ATG10: variants seen among roughly 807,000 people sequenced by gnomAD.
ATG10 encodes the protein ubiquitin-like-conjugating enzyme ATG10.
In ATG10, 30 loss-of-function variants were observed where a neutral mutation model predicts 32.1. That is an observed-to-expected ratio of 0.94 (90% CI 0.70 to 1.27). The LOEUF is 1.27. ATG10 is among the 50% of genes most tolerant of loss of function. The pLI is 0.00. For synonymous variants in ATG10, 87 were observed against 91.5 expected, an observed-to-expected ratio of 0.95 and a Z score of 0.28; for missense variants, 233 against 262.3, an observed-to-expected ratio of 0.89 and a Z score of 0.77.
chr5:82,139,751 G>A (rs1198761375), intron 3 of ATG10, among the ~76,000 whole-genome samples: 7 of 135,878 alleles, frequency 5.2e-5, no homozygotes, highest in South Asian at 2.5e-4. Flanking sequence ...CGCCCCGTCC[G>A]GGAGGCGAGG....
At chr5:82,043,728 G>T (rs563280500) in intron 2 of ATG10, among the ~76,000 whole-genome samples, 8 of 152,250 alleles carry the variant, frequency 5.3e-5, no homozygotes, top group African/African-American at 1.9e-4. Context: ...TCTAGGGCAC[G>T]GGCAAAATGC....
intron 5 of ATG10, among the ~76,000 whole-genome samples, chr5:82,194,772 C>G (rs979187022): frequency 6.6e-6 from 1 of 152,094 alleles, no homozygotes. Flanking sequence ...GAATTTAGTT[C>G]TTTTTCCTGG....
At chr5:82,067,481 C>G (rs1199218766) in intron 3 of ATG10, among the ~76,000 whole-genome samples, 1 of 152,106 alleles carries the variant, frequency 6.6e-6, no homozygotes, top group Admixed American at 6.6e-5. Flanking sequence ...GATCTTAAAG[C>G]AGTTTAGTGT....
intron 2 of ATG10, among the ~76,000 whole-genome samples, chr5:82,053,990 A>G (rs906668348): frequency 1.3e-5 from 2 of 152,170 alleles, no homozygotes; most frequent in East Asian, 3.8e-4. Flanking sequence ...CAGATGAGCT[A>G]TGGTGTTCAT....
intron 3 of ATG10, among the ~76,000 whole-genome samples, chr5:82,139,661 G>A (rs1433470852): frequency 3.4e-5 from 5 of 147,458 alleles, no homozygotes; most frequent in Non-Finnish European, 6.1e-5. Context: ...ACCCCATCTG[G>A]GAAGTGAGGA....
At chr5:82,080,380 G>T (rs1208152289) in intron 3 of ATG10, among the ~76,000 whole-genome samples, 3 of 152,142 alleles carry the variant, frequency 2.0e-5, no homozygotes, top group African/African-American at 7.2e-5. Context: ...GATCCCATTT[G>T]TCTATTTTGG....
intron 3 of ATG10, among the ~76,000 whole-genome samples, chr5:82,164,185 T>C (rs1743482749): frequency 6.6e-6 from 1 of 152,198 alleles, no homozygotes; most frequent in Non-Finnish European, 1.5e-5. Flanking sequence ...TCAAAAACAA[T>C]CTGGAATTAC....
At position 82,256,046 on chromosome 5, in the gene ATG10, A is replaced by G. The variant is rs919395174; in HGVS notation, c.*1983A>G. ...ACTTCTGTGAGGGATTTTCCCCCCA[A>G]TCTCCCTAATGTAAACACAGATTTC... is the stretch of plus-strand genomic sequence containing the variant. On this transcript the variant is annotated 3_prime_UTR_variant, in exon 8 of 8. Coordinates refer to ENST00000282185, the MANE Select transcript of ATG10 (RefSeq NM_031482.5). The G allele has an allele frequency of 2.7e-4, 41 of 152,158 alleles. No homozygotes were observed. Among genetic ancestry groups the G allele is most frequent in the Admixed American group, 5.2e-4 (8 of 15,286 alleles). 9.4% of individuals were successfully genotyped at this position (152,158 alleles called of 1,614,324 possible). A position where few individuals can be genotyped will look rare whatever the true frequency, so the allele number is the denominator to read the frequency against.
chr5:82,171,710 G>T (rs924614791), intron 4 of ATG10, among the ~76,000 whole-genome samples: 3 of 151,834 alleles, frequency 2.0e-5, no homozygotes, highest in African/African-American at 7.3e-5. Flanking sequence ...TGAGTATGAG[G>T]GTTTTTAAAA....
intron 5 of ATG10, among the ~76,000 whole-genome samples, chr5:82,226,521 C>T (rs1169721996): frequency 1.3e-5 from 2 of 152,172 alleles, no homozygotes; most frequent in Non-Finnish European, 2.9e-5. Flanking sequence ...AGTCCTACAG[C>T]TCTAGCATTG....
At chr5:82,139,344 T>A (rs1766934606) in intron 3 of ATG10, among the ~76,000 whole-genome samples, 1 of 145,742 alleles carries the variant, frequency 6.9e-6, no homozygotes. Flanking sequence ...GGCTGCCCAG[T>A]CTGGAAAGTG....
intron 2 of ATG10, among the ~76,000 whole-genome samples, chr5:82,012,052 C>T (rs1240378435): frequency 6.6e-6 from 1 of 152,146 alleles, no homozygotes; most frequent in Non-Finnish European, 1.5e-5. Flanking sequence ...TCATTTTCAG[C>T]TTCAGATCAG....
intron 3 of ATG10, among the ~76,000 whole-genome samples, chr5:82,098,221 C>T (rs1042223079): frequency 6.6e-6 from 1 of 151,598 alleles, no homozygotes; most frequent in Non-Finnish European, 1.5e-5. Flanking sequence ...ATTTTAATAC[C>T]TAAAGAGATA....
intron 3 of ATG10, among the ~76,000 whole-genome samples, chr5:82,141,762 A>G (rs771193366): frequency 6.6e-6 from 1 of 151,794 alleles, no homozygotes; most frequent in South Asian, 2.1e-4. Flanking sequence ...ATTCTTACTT[A>G]TTTTTATAAT....
chr5:82,176,614 G>A lies in ATG10; in HGVS notation c.356-1876G>A, dbSNP rs567088030. Among the ~76,000 whole-genome samples, 4 of 152,084 alleles carry A rather than the reference G, an allele frequency of 2.6e-5. No individual in the cohort carries two copies. The South Asian group carries it at 8.3e-4, about 32-fold the overall frequency. On this transcript the variant is annotated intron_variant, in intron 4 of 7. Transcript: ENST00000282185. Reference sequence around the variant, plus strand: ...GACACACGCACACACATACACATATGCATGCATGGCATTTGCATATTTCAA... The same window carrying A: ...GACACACGCACACACATACACATATACATGCATGGCATTTGCATATTTCAA...
At chr5:82,121,680 T>G (rs56193849) in intron 3 of ATG10, among the ~76,000 whole-genome samples, 6,386 of 152,318 alleles carry the variant, frequency 0.042, 138 homozygotes, top group Middle Eastern at 0.058. Context: ...GAAGGGATGT[T>G]GAATTTTAGC....
chr5:82,096,436 G>T (rs1765067357), intron 3 of ATG10, among the ~76,000 whole-genome samples: 1 of 152,114 alleles, frequency 6.6e-6, no homozygotes, highest in Non-Finnish European at 1.5e-5. Context: ...TGCTGTTTCA[G>T]CCTCACAATC....
chr5:82,252,726 ACT>A (rs1269448074), intron 6 of ATG10, 67 bp downstream of exon 6: 7 of 903,260 alleles, frequency 7.7e-6, no homozygotes, highest in Admixed American at 7.5e-5. Flanking sequence ...TTTTTATGTG[ACT>A]CTAAATGCTA....
chr5:82,030,490 C>T (rs1464906781), intron 2 of ATG10, among the ~76,000 whole-genome samples: 1 of 152,184 alleles, frequency 6.6e-6, no homozygotes. Flanking sequence ...GTCCGCTTCT[C>T]CATGTCTGCC....
Sources: allele counts gnomAD v4.1 joint callset (sites outside exome capture counted in the v4.1 genomes callset), GRCh38; gene constraint gnomAD v4.1.1; transcripts MANE v1.5; gene names NCBI Gene and HGNC (gene_info 2026-07-23, HGNC 2026-07-21).